Variants in CEACAM21 observed in about 807,000 individuals in gnomAD.
CEACAM21 encodes the protein cell adhesion molecule CEACAM21.
A neutral mutation model predicts 33.2 loss-of-function variants in CEACAM21; 38 were observed. The observed-to-expected ratio is 1.14, with a 90% CI of 0.88 to 1.50. The LOEUF (loss-of-function observed/expected upper bound fraction) is 1.50. Among genes scored for constraint, CEACAM21 ranks in the 40% most tolerant of loss-of-function variants. CEACAM21 has a pLI of 0.00. For synonymous variants in CEACAM21, 156 were observed against 143.0 expected (o/e 1.09, Z -0.65); for missense variants, 385 against 364.6 (o/e 1.06, Z -0.46).
At chr19:41,563,333 C>T (rs1453951181) in intron 1 of CEACAM21, among the ~76,000 whole-genome samples, 2 of 152,186 alleles carry the variant, frequency 1.3e-5, no homozygotes, top group Non-Finnish European at 2.9e-5. Flanking sequence ...CTGGCCACCC[C>T]GGGACAGGGG....
At chr19:41,570,508 G>A (rs2042532306) in intron 2 of CEACAM21, among the ~76,000 whole-genome samples, 5 of 152,204 alleles carry the variant, frequency 3.3e-5, no homozygotes. Context: ...GCAAGAAGGA[G>A]ATGAGAGGCC....
At chr19:41,578,381 T>C (rs1280652673) in intron 2 of CEACAM21, among the ~76,000 whole-genome samples, 1 of 151,336 alleles carries the variant, frequency 6.6e-6, no homozygotes, top group African/African-American at 2.4e-5. Flanking sequence ...TTAGGTCAGG[T>C]AATTGTAAAT....
chr19:41,579,197 A>T, intron 2 of CEACAM21, 156 bp from the exon 3 acceptor site: 1 of 1,218,494 alleles, frequency 8.2e-7, no homozygotes, highest in South Asian at 1.5e-5. Context: ...TGTAGTCCCT[A>T]CTGCTCGCTG....
chr19:41,567,009 A>AT (rs2042309052), intron 2 of CEACAM21, among the ~76,000 whole-genome samples: 1 of 151,886 alleles, frequency 6.6e-6, no homozygotes, highest in Admixed American at 6.6e-5. Context: ...TCCTATTTAA[A>AT]TTTTTTTGAT....
At chr19:41,552,860 C>T (rs533812501) in intron 1 of CEACAM21, among the ~76,000 whole-genome samples, 2 of 152,158 alleles carry the variant, frequency 1.3e-5, no homozygotes, top group East Asian at 1.9e-4. Flanking sequence ...TCAGAAGTTT[C>T]GGTTGTCTAG....
upstream of CEACAM21, among the ~76,000 whole-genome samples, chr19:41,572,850 A>G (rs2042699955): frequency 6.6e-6 from 1 of 152,160 alleles, no homozygotes. Flanking sequence ...TGCTTCCACC[A>G]TGGGGTGGTT....
At chr19:41,584,720 G>A (rs782289171) in intron 4 of CEACAM21, among the ~76,000 whole-genome samples, 17 of 152,152 alleles carry the variant, frequency 1.1e-4, no homozygotes, top group Non-Finnish European at 2.2e-4. Flanking sequence ...CCTGGAGCAG[G>A]GGGGAGCGGT....
In CEACAM21 at chr19:41,576,349, G is replaced by A. The variant is rs201728427; in HGVS notation, c.64+11G>A. 5.1e-5 allele frequency: 82 copies of A among 1,606,616 alleles called. No individual in the cohort carries two copies. The highest frequency in any genetic ancestry group is 1.2e-4 in the Admixed American group (7 of 59,018). On this transcript the variant is annotated intron_variant, in intron 1 of 6. Coordinates refer to ENST00000401445, the MANE Select transcript of CEACAM21 (RefSeq NM_001098506.4). ...GGCTCTTGCTCACAGGTGAGGGGAGGACTCCCTGGGAGTGGGTGGGAGGAG... is the reference window on the plus strand; with the variant it reads ...GGCTCTTGCTCACAGGTGAGGGGAGAACTCCCTGGGAGTGGGTGGGAGGAG...
chr19:41,584,409 C>T lies in CEACAM21; in HGVS notation c.763C>T (p.Leu255Phe), dbSNP rs1446565037. 6.2e-7 allele frequency: 1 copy of T among 1,610,432 alleles called. No individual in the cohort carries two copies. Among genetic ancestry groups the T allele is most frequent in the South Asian group, 1.1e-5 (1 of 90,382 alleles). ...VLVGSLLVAA[L>F]VCFLLLRKTG... ...GGTTGGGAGTCTTCTGGTGGCTGCA[C>T]TTGTGTGTTTCCTGCTCCTCCGAAA... The change falls in exon 4 of 7, where the codon CTT (leucine) becomes TTT (phenylalanine). Residue 255 changes from leucine to phenylalanine, a missense_variant. Physicochemically the swap from Leu to Phe is conservative, Grantham distance 22 (BLOSUM62 0). Transcript: ENST00000401445.
upstream of CEACAM21, among the ~76,000 whole-genome samples, chr19:41,572,900 G>T (rs1464746222): frequency 6.6e-6 from 1 of 152,182 alleles, no homozygotes; most frequent in Non-Finnish European, 1.5e-5. Flanking sequence ...TGATAGTGGT[G>T]CAGGACTCAG....
rs1555792593 is a variant in CEACAM21 at position 41,579,477 on chromosome 19, T to C, written c.549T>C (p.Arg183=). 1.2e-6 allele frequency: 2 copies of C among 1,613,850 alleles called. No homozygotes were observed. The highest frequency in any genetic ancestry group is 1.1e-5 in the South Asian group (1 of 91,070). Residue 183 remains arginine, a synonymous_variant, in exon 3 of 7, where the codon CGT becomes CGC. Transcript: ENST00000401445. The part of the protein sequence containing the change: ...TSFQWIFNNQ[R]LQVTKRMKLS... ...TCCAGTGGATTTTCAACAACCAGCG[T>C]CTGCAGGTCACGAAGAGGATGAAGC... is the stretch of plus-strand genomic sequence containing the variant.
At position 41,586,713 on chromosome 19, in the gene CEACAM21, G is replaced by A. The variant is rs531704953; in HGVS notation, c.*250G>A. The A allele has an allele frequency of 2.9e-5, 11 of 381,986 alleles. No homozygotes were observed. The highest frequency in any genetic ancestry group is 1.3e-4 in the East Asian group (2 of 15,482). 23.7% of individuals were successfully genotyped at this position (381,986 alleles called of 1,614,324 possible). A position where few individuals can be genotyped will look rare whatever the true frequency, so the allele number is the denominator to read the frequency against. On this transcript the variant is annotated 3_prime_UTR_variant, in exon 7 of 7. Coordinates refer to ENST00000401445, the MANE Select transcript of CEACAM21 (RefSeq NM_001098506.4). Reference sequence around the variant, plus strand: ...TATAGAGACCTCAACAGACTGCCCCGGGCTCTGGGTGGGCCAAGGCGAAGG... The same window carrying A: ...TATAGAGACCTCAACAGACTGCCCCAGGCTCTGGGTGGGCCAAGGCGAAGG...
At chr19:41,571,063 G>A (rs1317743708) in intron 2 of CEACAM21, among the ~76,000 whole-genome samples, 2 of 152,032 alleles carry the variant, frequency 1.3e-5, no homozygotes, top group Admixed American at 1.3e-4. Context: ...GAACTGCAGG[G>A]TGTTCAGCAC....
chr19:41,560,005 A>AACAAG (rs782604772), intron 1 of CEACAM21, among the ~76,000 whole-genome samples: 1 of 152,124 alleles, frequency 6.6e-6, no homozygotes, highest in Non-Finnish European at 1.5e-5. Context: ...AACAAAACAA[A>AACAAG]ACAAAACAAA....
intron 1 of CEACAM21, among the ~76,000 whole-genome samples, chr19:41,562,987 C>T (rs2041994614): frequency 6.6e-6 from 1 of 152,188 alleles, no homozygotes; most frequent in African/African-American, 2.4e-5. Flanking sequence ...CTCCGCCTCC[C>T]GAAGTGCTGG....
chr19:41,550,965 T>C (rs2041165062), intron 1 of CEACAM21, among the ~76,000 whole-genome samples: 1 of 152,192 alleles, frequency 6.6e-6, no homozygotes, highest in South Asian at 2.1e-4. Flanking sequence ...TGAACTTCCA[T>C]CCTGAGAAAT....
At chr19:41,577,629 C>G in intron 2 of CEACAM21, 70 bp downstream of exon 2, 11 of 1,592,100 alleles carry the variant, frequency 6.9e-6, no homozygotes, top group Non-Finnish European at 8.5e-6. Context: ...ATTGTCAGGC[C>G]TGGGCTGTGC....
intron 4 of CEACAM21, among the ~76,000 whole-genome samples, chr19:41,584,773 C>T (rs888031993): frequency 6.6e-6 from 1 of 152,202 alleles, no homozygotes; most frequent in Non-Finnish European, 1.5e-5. Flanking sequence ...AATCCATCCA[C>T]CCAGTGAGAG....
In CEACAM21 at chr19:41,576,286, C is replaced by A; in HGVS notation, c.12C>A (p.Pro4=). 6.2e-7 allele frequency: 1 copy of A among 1,613,692 alleles called. No homozygotes were observed. Among genetic ancestry groups the A allele is most frequent in the South Asian group, 1.1e-5 (1 of 91,054 alleles). MGP[P]SACPHRECIP... ...AGGCAGCAGAGACCATGGGGCCCCC[C>A]TCAGCTTGTCCCCACAGAGAATGCA... The change falls in exon 1 of 7, where the codon CCC becomes CCA. Residue 4 remains proline, a synonymous_variant. Transcript: ENST00000401445.
Sources: gnomAD v4.1 joint callset for allele counts (sites outside exome capture counted in the v4.1 genomes callset) on GRCh38, gnomAD v4.1.1 for gene constraint, MANE v1.5 for transcripts, NCBI Gene and HGNC (gene_info 2026-07-23, HGNC 2026-07-21) for gene names.